MSANTD5: variants seen among roughly 807,000 people sequenced by gnomAD.
The protein encoded by MSANTD5 is uncharacterized protein MSANTD5.
chr5:178,700,158 C>T (rs936831069), upstream of MSANTD5, among the ~76,000 whole-genome samples: 12 of 152,110 alleles, frequency 7.9e-5, no homozygotes, highest in African/African-American at 2.7e-4. Flanking sequence ...GCATGGGGGC[C>T]GTCTCCATCC....
At chr5:178,697,409 G>A (rs569859814) in intron 1 of MSANTD5, among the ~76,000 whole-genome samples, 177 bp downstream of exon 1, 2 of 152,092 alleles carry the variant, frequency 1.3e-5, no homozygotes, top group South Asian at 2.1e-4. Context: ...AGCCGGGATC[G>A]CGCCCCTGCA....
At chr5:178,698,721 T>C (rs1246786931), upstream of MSANTD5, among the ~76,000 whole-genome samples, 1 of 149,722 alleles carries the variant, frequency 6.7e-6, no homozygotes, top group African/African-American at 2.5e-5. Context: ...CTAGGATTAC[T>C]GCAGGTGCTT....
At chr5:178,700,754 C>T (rs1765469547), upstream of MSANTD5, among the ~76,000 whole-genome samples, 1 of 136,170 alleles carries the variant, frequency 7.3e-6, no homozygotes, top group South Asian at 2.3e-4. Context: ...AGAGGCTGAG[C>T]CTGGAGAGGC....
chr5:178,699,069 A>T (rs917873560), upstream of MSANTD5, among the ~76,000 whole-genome samples: 1 of 152,062 alleles, frequency 6.6e-6, no homozygotes, highest in Non-Finnish European at 1.5e-5. Context: ...GGGCCTGTCC[A>T]ATACACCCCC....
the MSANTD5 span, among the ~76,000 whole-genome samples, chr5:178,703,656 G>A: frequency 2.0e-5 from 3 of 152,012 alleles, no homozygotes; most frequent in Non-Finnish European, 4.4e-5. Flanking sequence ...ATAGCTATGA[G>A]AGAGTAATTT....
the MSANTD5 span, chr5:178,706,835 C>CTAA: frequency 2.0e-5 from 3 of 152,120 alleles, no homozygotes; most frequent in Non-Finnish European, 4.4e-5. Flanking sequence ...ATTCCTGGAG[C>CTAA]TAATGGCAGT....
the MSANTD5 span, among the ~76,000 whole-genome samples, chr5:178,705,905 C>T: frequency 9.9e-5 from 15 of 151,730 alleles, no homozygotes; most frequent in South Asian, 2.1e-4. Context: ...TGCAGTGAGC[C>T]GAGATCACAC....
chr5:178,701,012 C>T (rs553969252), upstream of MSANTD5, among the ~76,000 whole-genome samples: 4 of 152,270 alleles, frequency 2.6e-5, no homozygotes, highest in South Asian at 2.1e-4. Flanking sequence ...CTCGCTCTGT[C>T]GCCCAGGCTG....
chr5:178,701,470 G>C (rs952395937), upstream of MSANTD5, among the ~76,000 whole-genome samples: 8 of 151,808 alleles, frequency 5.3e-5, no homozygotes, highest in African/African-American at 1.9e-4. Context: ...GTCCGCACAG[G>C]TCACACACTG....
At chr5:178,705,246 C>A in the MSANTD5 span, among the ~76,000 whole-genome samples, 581 of 152,130 alleles carry the variant, frequency 3.8e-3, 8 homozygotes, top group African/African-American at 0.014. Flanking sequence ...TGGGGTTTTG[C>A]CATGTTGGCC....
downstream of MSANTD5, among the ~76,000 whole-genome samples, chr5:178,692,919 G>A (rs1035896585): frequency 5.3e-5 from 8 of 151,934 alleles, 1 homozygote; most frequent in South Asian, 2.1e-4. Flanking sequence ...GGGGGGACCC[G>A]GACATAGGGC....
At chr5:178,699,545 G>A (rs1327099820), upstream of MSANTD5, among the ~76,000 whole-genome samples, 5 of 151,858 alleles carry the variant, frequency 3.3e-5, no homozygotes, top group Admixed American at 1.3e-4. Flanking sequence ...CCAAGTAGCT[G>A]GGATGACAGG....
exon 3 of MSANTD5, chr5:178,695,394 G>A (rs1765401412): frequency 6.6e-6 from 1 of 152,246 alleles, no homozygotes; most frequent in Non-Finnish European, 1.5e-5. Context: ...CTCCTGAATA[G>A]TGAAGTATAA....
the MSANTD5 span, among the ~76,000 whole-genome samples, chr5:178,705,748 GAGATCC>G: frequency 6.6e-6 from 1 of 152,184 alleles, no homozygotes; most frequent in African/African-American, 2.4e-5. Flanking sequence ...ACGAGGTCAG[GAGATCC>G]AGACCATCCT....
chr5:178,697,347 G>A (rs201809869), intron 1 of MSANTD5, among the ~76,000 whole-genome samples: 18 of 152,074 alleles, frequency 1.2e-4, no homozygotes, highest in Admixed American at 2.6e-4. Flanking sequence ...CCAGCTACTC[G>A]GGAGGCTGAG....
downstream of MSANTD5, among the ~76,000 whole-genome samples, chr5:178,692,868 T>C (rs1419804941): frequency 1.3e-5 from 2 of 151,886 alleles, no homozygotes; most frequent in African/African-American, 4.9e-5. Flanking sequence ...TCGATGTCAA[T>C]ATCCTGGTTA....
At chr5:178,696,450 C>G (rs545991633) in intron 1 of MSANTD5, among the ~76,000 whole-genome samples, 12 of 152,164 alleles carry the variant, frequency 7.9e-5, no homozygotes, top group African/African-American at 2.6e-4. Context: ...GGTCTCAAAC[C>G]CCTGACCTCA....
upstream of MSANTD5, among the ~76,000 whole-genome samples, chr5:178,702,264 G>T (rs1353831002): frequency 6.6e-6 from 1 of 151,144 alleles, no homozygotes. Flanking sequence ...AGAAATGCTG[G>T]CAGAGAATAC....
chr5:178,706,836 T>C, the MSANTD5 span: 2 of 152,162 alleles, frequency 1.3e-5, no homozygotes, highest in Non-Finnish European at 2.9e-5. Context: ...TTCCTGGAGC[T>C]AATGGCAGTG....
Sources: allele counts gnomAD v4.1 joint callset (sites outside exome capture counted in the v4.1 genomes callset), GRCh38; gene constraint gnomAD v4.1.1; transcripts MANE v1.5; gene names NCBI Gene and HGNC (gene_info 2026-07-23, HGNC 2026-07-21).